TRPM6: variants seen among roughly 807,000 people sequenced by gnomAD.
TRPM6 encodes channel kinase 2.
A neutral mutation model predicts 247.6 loss-of-function variants in TRPM6; 111 were observed. The observed-to-expected ratio is 0.45, with a 90% CI of 0.38 to 0.52. The LOEUF (loss-of-function observed/expected upper bound fraction) is 0.52. TRPM6 is among the 20% of genes least tolerant of loss of function. TRPM6 has a pLI of 0.00. For missense variants in TRPM6, 2,126 were observed against 2,421.5 expected, an observed-to-expected ratio of 0.88 and a Z score of 2.56; for synonymous variants, 892 against 853.8, an observed-to-expected ratio of 1.04 and a Z score of -0.78.
chr9:74,870,319 A>G (rs1830980847), intron 1 of TRPM6, among the ~76,000 whole-genome samples: 1 of 152,188 alleles, frequency 6.6e-6, no homozygotes, highest in African/African-American at 2.4e-5. Context: ...TAATAACCTA[A>G]AAACATGTAC....
chr9:74,830,363 G>T (rs1332005305), intron 6 of TRPM6, among the ~76,000 whole-genome samples: 1 of 150,852 alleles, frequency 6.6e-6, no homozygotes, highest in Non-Finnish European at 1.5e-5. Flanking sequence ...AATATGAATT[G>T]TTTTGTTTTG....
chr9:74,774,458 T>C (rs1827147294), intron 24 of TRPM6, among the ~76,000 whole-genome samples: 1 of 152,064 alleles, frequency 6.6e-6, no homozygotes, highest in African/African-American at 2.4e-5. Flanking sequence ...GCTGAATCTC[T>C]TGGTCAGGGA....
rs1226734086 is a variant in TRPM6 at position 74,723,322 on chromosome 9, C to T, written c.*1291G>A. On this transcript the variant is annotated 3_prime_UTR_variant, in exon 39 of 39. Coordinates refer to ENST00000360774, the MANE Select transcript of TRPM6 (RefSeq NM_017662.5). ...ACATGTTTTCAGTCTGAAACCGTAT[C>T]TTTCTTCATAGGACCTGACATAAAG... 2.6e-5 allele frequency: 4 copies of T among 152,060 alleles called. No individual in the cohort carries two copies. The highest frequency in any genetic ancestry group is 5.9e-5 in the Non-Finnish European group (4 of 68,002). The allele number at this position is 152,060 out of a possible 1,614,324, so 9.4% of individuals were successfully genotyped here.
At chr9:74,782,959 C>T in intron 21 of TRPM6, 106 bp from the exon 22 acceptor site, 1 of 1,116,244 alleles carries the variant, frequency 9.0e-7, no homozygotes, top group Non-Finnish European at 1.4e-6. Flanking sequence ...ATAAGATTGT[C>T]TAGTCATTGA....
In TRPM6 at chr9:74,842,232, C is replaced by T. The variant is rs764875192; in HGVS notation, c.264G>A (p.Thr88=). The T allele has an allele frequency of 6.2e-7, 1 of 1,614,012 alleles. No homozygotes were observed. The highest frequency in any genetic ancestry group is 1.1e-5 in the South Asian group (1 of 91,080). The part of the protein sequence containing the change: ...SEQWSVEKHT[T]KSPTDTFGTI... ...TGCCAAAAGTATCTGTTGGGCTTTT[C>T]GTTGTGTGCTTTTCAACAGACCATT... The change falls in exon 4 of 39, where the codon ACG becomes ACA. Residue 88 remains threonine (T), a synonymous_variant. Coordinates refer to ENST00000360774, the MANE Select transcript of TRPM6 (RefSeq NM_017662.5).
chr9:74,831,169 C>T (rs1829534123), intron 6 of TRPM6, among the ~76,000 whole-genome samples: 1 of 152,076 alleles, frequency 6.6e-6, no homozygotes, highest in African/African-American at 2.4e-5. Flanking sequence ...CAAAATGTTT[C>T]CTTGGCCTCC....
At chr9:74,799,221 ACAT>A (rs921638128) in intron 17 of TRPM6, among the ~76,000 whole-genome samples, 2 of 152,210 alleles carry the variant, frequency 1.3e-5, no homozygotes, top group African/African-American at 4.8e-5. Context: ...TGTTTGGGAC[ACAT>A]CATATTTTTA....
chr9:74,738,197 A>G (rs1412838047), intron 36 of TRPM6, among the ~76,000 whole-genome samples: 1 of 152,228 alleles, frequency 6.6e-6, no homozygotes, highest in Non-Finnish European at 1.5e-5. Context: ...TTAAATAGAT[A>G]ATCATCTGCC....
At chr9:74,826,470 G>T (rs773562778) in intron 7 of TRPM6, among the ~76,000 whole-genome samples, 2 of 152,132 alleles carry the variant, frequency 1.3e-5, no homozygotes, top group Non-Finnish European at 2.9e-5. Context: ...AGTATTTTGT[G>T]GAAGATTTAA....
intron 16 of TRPM6, 135 bp from the exon 17 acceptor site, chr9:74,800,617 T>A: frequency 3.2e-6 from 2 of 617,406 alleles, no homozygotes; most frequent in Non-Finnish European, 5.6e-6. Context: ...TAAGGCTTCC[T>A]TTAAAAAAAA....
chr9:74,877,332 C>T (rs1295799347), intron 1 of TRPM6, among the ~76,000 whole-genome samples: 1 of 152,176 alleles, frequency 6.6e-6, no homozygotes, highest in Non-Finnish European at 1.5e-5. Context: ...TATCCATCAA[C>T]TGATTAATGG....
chr9:74,879,454 T>C (rs570288538), intron 1 of TRPM6, among the ~76,000 whole-genome samples: 1 of 152,242 alleles, frequency 6.6e-6, no homozygotes, highest in East Asian at 1.9e-4. Flanking sequence ...TTGAGTCTTT[T>C]GTTATAATGT....
intron 1 of TRPM6, among the ~76,000 whole-genome samples, chr9:74,877,149 C>T (rs1831219043): frequency 6.6e-6 from 1 of 152,112 alleles, no homozygotes; most frequent in African/African-American, 2.4e-5. Context: ...TGCTTTGAAA[C>T]AAATTCTGGC....
intron 36 of TRPM6, among the ~76,000 whole-genome samples, chr9:74,736,511 C>CT (rs1310351702): frequency 6.6e-6 from 1 of 152,172 alleles, no homozygotes; most frequent in Admixed American, 6.5e-5. Flanking sequence ...GCACGTAAAC[C>CT]TTTAGCCAAG....
chr9:74,865,073 CA>C (rs36103454), intron 1 of TRPM6, among the ~76,000 whole-genome samples: 72,817 of 123,012 alleles, frequency 0.59, 18,271 homozygotes, highest in East Asian at 0.77. Flanking sequence ...AATTCCCTCT[CA>C]AAAAAAAAAA....
chr9:74,765,320 T>C (rs1335101547), intron 25 of TRPM6, among the ~76,000 whole-genome samples: 1 of 150,702 alleles, frequency 6.6e-6, no homozygotes, highest in African/African-American at 2.5e-5. Flanking sequence ...ATGTAATTAA[T>C]TGGAGAAAAT....
intron 3 of TRPM6, among the ~76,000 whole-genome samples, chr9:74,845,574 T>A (rs1315204289): frequency 6.6e-6 from 1 of 152,190 alleles, no homozygotes; most frequent in Non-Finnish European, 1.5e-5. Flanking sequence ...CTCACGCCCG[T>A]AATTCCAGCA....
At position 74,782,495 on chromosome 9, in the gene TRPM6, A is replaced by G. The variant is rs1042123547; in HGVS notation, c.3095-19T>C. 20 of 1,591,868 alleles carry G rather than the reference A, an allele frequency of 1.3e-5. No individual in the cohort carries two copies. The highest frequency in any genetic ancestry group is 1.6e-5 in the Non-Finnish European group (19 of 1,161,636). The stretch of plus-strand genomic sequence containing the variant: ...GAACAAACTACAAATAAAGAATTTT[A>G]AAAGAATGAAAGATAAGATGAATCA... On this transcript the variant is annotated intron_variant, in intron 22 of 38. Coordinates refer to ENST00000360774, the MANE Select transcript of TRPM6 (RefSeq NM_017662.5).
At position 74,820,562 on chromosome 9, in the gene TRPM6, G is replaced by C. The variant is rs572963203; in HGVS notation, c.1011-135C>G. ...ACAGTTCTGCCAGAAGAGCAAATGA[G>C]GGGGAGCAAACGGAAGCAGGAGCTC... On this transcript the variant is annotated intron_variant, in intron 8 of 38. Transcript: ENST00000360774. 75 of 1,099,144 alleles carry C rather than the reference G, an allele frequency of 6.8e-5. No homozygotes were observed. In the African/African-American group the frequency reaches 1.0e-3, roughly 15 times the overall value. 68.1% of individuals were successfully genotyped at this position (1,099,144 alleles called of 1,614,324 possible). A position where few individuals can be genotyped will look rare whatever the true frequency, so the allele number is the denominator to read the frequency against.
Sources: gnomAD v4.1 joint callset for allele counts (sites outside exome capture counted in the v4.1 genomes callset) on GRCh38, gnomAD v4.1.1 for gene constraint, MANE v1.5 for transcripts, NCBI Gene and HGNC (gene_info 2026-07-23, HGNC 2026-07-21) for gene names.